The following LAMC3 variants were observed in gnomAD, a reference collection of about 807,000 sequenced individuals.
The protein encoded by LAMC3 is laminin subunit gamma-3.
A neutral mutation model predicts 173.8 loss-of-function variants in LAMC3; 128 were observed. That is an observed-to-expected ratio of 0.74 (90% CI 0.64 to 0.85). LAMC3 has a LOEUF of 0.85. Among genes scored for constraint, LAMC3 ranks in the 40% least tolerant of loss-of-function variants. LAMC3 has a pLI of 0.00. For synonymous variants in LAMC3, 897 were observed against 909.1 expected (o/e 0.99, Z 0.24); for missense variants, 2,022 against 2,156.0 (o/e 0.94, Z 1.23).
intron 1 of LAMC3, among the ~76,000 whole-genome samples, chr9:131,024,448 T>G (rs1156843662): frequency 6.6e-6 from 1 of 152,060 alleles, no homozygotes; most frequent in Non-Finnish European, 1.5e-5. Flanking sequence ...ACCCAGCCTT[T>G]TAGCTCTTAC....
intron 1 of LAMC3, among the ~76,000 whole-genome samples, chr9:131,014,845 CG>C (rs922755779): frequency 6.6e-5 from 10 of 152,036 alleles, no homozygotes; most frequent in Non-Finnish European, 1.3e-4. Flanking sequence ...TAGCCGGGCG[CG>C]GGGGCAAGTG....
chr9:131,067,319 C>T, intron 14 of LAMC3, 114 bp downstream of exon 14: 2 of 1,315,642 alleles, frequency 1.5e-6, no homozygotes, highest in South Asian at 2.4e-5. Context: ...GCTGGCTCCT[C>T]TGCAAGGCTG....
intron 6 of LAMC3, among the ~76,000 whole-genome samples, chr9:131,040,921 C>A (rs563197558): frequency 3.1e-4 from 47 of 152,168 alleles, no homozygotes; most frequent in African/African-American, 1.1e-3. Flanking sequence ...TGGGATTCAC[C>A]AGGGAGGAAC....
chr9:131,059,175 G>A lies in LAMC3; in HGVS notation c.2159-1860G>A, dbSNP rs531092111. Among the ~76,000 whole-genome samples the A allele has an allele frequency of 1.9e-4, 29 of 150,652 alleles. 1 individual carries two copies. The highest frequency in any genetic ancestry group is 8.6e-4 in the Admixed American group (13 of 15,046). On this transcript the variant is annotated intron_variant, in intron 12 of 27. Transcript: ENST00000361069. ...CGCGCCGCTGCACTCTGGCCTGGGC[G>A]ACAGAGTAAGACTCCATCTCAAAAA... is the stretch of plus-strand genomic sequence containing the variant.
intron 20 of LAMC3, among the ~76,000 whole-genome samples, 186 bp downstream of exon 20, chr9:131,073,507 G>A (rs1830072808): frequency 6.6e-6 from 1 of 152,188 alleles, no homozygotes. Context: ...AGATGTTAGG[G>A]GCAAAGCTTG....
At chr9:131,030,344 T>C (rs1286423211) in intron 2 of LAMC3, among the ~76,000 whole-genome samples, 1 of 152,160 alleles carries the variant, frequency 6.6e-6, no homozygotes, top group African/African-American at 2.4e-5. Context: ...CCCCATTCCT[T>C]TGTGGTCATT....
At chr9:131,045,741 A>T in intron 8 of LAMC3, 81 bp downstream of exon 8, 1 of 1,531,334 alleles carries the variant, frequency 6.5e-7, no homozygotes, top group Middle Eastern at 1.7e-4. Context: ...GAGATCTTGC[A>T]TTAGTGGATC....
rs1290010551 is a variant in LAMC3, at chr9:131,009,283, C to T, written c.69C>T (p.Gly23=). Residue 23 remains glycine, a synonymous_variant, in exon 1 of 28, where the codon GGC becomes GGT. Transcript: ENST00000361069. The surrounding 1 kb of genome is among the most constrained non-coding windows in gnomAD (Gnocchi z 4.3). ...LAPRAAGAGM[G]ACYDGAGRPQ... is the part of the protein sequence containing the mutation. The stretch of plus-strand genomic sequence containing the variant: ...CGCGGGCGGCCGGCGCGGGCATGGG[C>T]GCGTGCTATGACGGCGCAGGGCGCC... The T allele has an allele frequency of 7.2e-6, 10 of 1,393,300 alleles. No homozygotes were observed. Among genetic ancestry groups the T allele is most frequent in the Middle Eastern group, 2.6e-4 (1 of 3,874 alleles). The allele number at this position is 1,393,300 out of a possible 1,614,324, so 86.3% of individuals were successfully genotyped here.
rs887297441 is a variant in LAMC3, at chr9:131,069,013, G to C, written c.2853G>C (p.Gln951His). Residue 951 changes from glutamine (Q) to histidine (H), a missense_variant, in exon 16 of 28, where the codon CAG becomes CAC. By Grantham distance (24) the Gln-to-His change is conservative. Coordinates refer to ENST00000361069, the MANE Select transcript of LAMC3 (RefSeq NM_006059.4). Reference protein sequence around the residue: ...GVTGQACDRCQLGFFGFSIKG... With the variant: ...GVTGQACDRCHLGFFGFSIKG... Reference sequence around the variant, plus strand: ...CAGGCCAGGCCTGTGACAGGTGCCAGCTGGGTTTCTTCGGCTTCTCCATCA... The same window carrying C: ...CAGGCCAGGCCTGTGACAGGTGCCACCTGGGTTTCTTCGGCTTCTCCATCA... 3 of 1,614,066 alleles carry C rather than the reference G, an allele frequency of 1.9e-6. No homozygotes were observed. The Admixed American group carries it at 5.0e-5, about 27-fold the overall frequency.
In LAMC3 at chr9:131,093,823, A is replaced by AT. The variant is rs894476835; in HGVS notation, c.*2044dup. ...TTCGTTCTTTTCTCTTTATTTATTG[A>AT]TTTTTTTTGAGATGGAGTCTCGCTC... On this transcript the variant is annotated 3_prime_UTR_variant, in exon 28 of 28. Coordinates refer to ENST00000361069, the MANE Select transcript of LAMC3 (RefSeq NM_006059.4). 1.4e-4 allele frequency: 21 copies of AT among 151,350 alleles called. No individual in the cohort carries two copies. Among genetic ancestry groups the AT allele is most frequent in the South Asian group, 4.2e-4 (2 of 4,754 alleles). 9.4% of individuals were successfully genotyped at this position (151,350 alleles called of 1,614,324 possible).
At chr9:131,051,376 T>TTC (rs1339323571) in intron 9 of LAMC3, among the ~76,000 whole-genome samples, 1 of 149,874 alleles carries the variant, frequency 6.7e-6, no homozygotes, top group Non-Finnish European at 1.5e-5. Flanking sequence ...TTTTTTTTTT[T>TTC]TTTTTTGAGA....
chr9:131,052,745 G>A lies in LAMC3; in HGVS notation c.1823+62G>A, dbSNP rs546044948. 388 of 1,491,364 alleles carry A rather than the reference G, an allele frequency of 2.6e-4. 2 individuals carry two copies. In the South Asian group the frequency reaches 3.6e-3, roughly 14 times the overall value. 92.4% of individuals were successfully genotyped at this position (1,491,364 alleles called of 1,614,324 possible). A position where few individuals can be genotyped will look rare whatever the true frequency, so the allele number is the denominator to read the frequency against. ...GAGAGGGGTGGTCTCTGAGGTCCGGGCACATTTCAGATGCCCCTGTAGTCT... is the reference window on the plus strand; with the variant it reads ...GAGAGGGGTGGTCTCTGAGGTCCGGACACATTTCAGATGCCCCTGTAGTCT... On this transcript the variant is annotated intron_variant, in intron 10 of 27. Transcript: ENST00000361069.
intron 2 of LAMC3, 137 bp from the exon 3 acceptor site, chr9:131,031,908 A>C (rs1002260219): frequency 5.5e-6 from 8 of 1,464,956 alleles, no homozygotes; most frequent in Non-Finnish European, 7.6e-6. Flanking sequence ...CAGTGTTCTC[A>C]GAATTGGCCT....
intron 6 of LAMC3, among the ~76,000 whole-genome samples, chr9:131,040,328 C>T (rs1834026494): frequency 6.6e-6 from 1 of 152,084 alleles, no homozygotes; most frequent in African/African-American, 2.4e-5. Context: ...CAAATGTGCA[C>T]CACCACACCC....
intron 7 of LAMC3, among the ~76,000 whole-genome samples, chr9:131,042,885 C>T (rs1834080904): frequency 6.6e-6 from 1 of 151,936 alleles, no homozygotes. Flanking sequence ...CCTCCCCTTT[C>T]ATACCCACAG....
chr9:131,087,869 C>T (rs758024073), intron 27 of LAMC3, 52 bp downstream of exon 27: 3 of 1,423,950 alleles, frequency 2.1e-6, no homozygotes, highest in African/African-American at 1.4e-5. Flanking sequence ...TGGGGCACCT[C>T]TAGGATCTTC....
At chr9:131,077,707 A>T (rs1479626912) in intron 22 of LAMC3, among the ~76,000 whole-genome samples, 1 of 147,148 alleles carries the variant, frequency 6.8e-6, no homozygotes, top group Non-Finnish European at 1.5e-5. Context: ...AAAAAAAAAA[A>T]AAAAAACTAT....
chr9:131,040,774 C>G (rs1275732498), intron 6 of LAMC3, among the ~76,000 whole-genome samples: 2 of 152,136 alleles, frequency 1.3e-5, no homozygotes, highest in Non-Finnish European at 2.9e-5. Context: ...TCTCGGGACA[C>G]CTTCCCTCCC....
At chr9:131,049,728 G>A (rs1051521177) in intron 9 of LAMC3, among the ~76,000 whole-genome samples, 1 of 152,166 alleles carries the variant, frequency 6.6e-6, no homozygotes, top group Non-Finnish European at 1.5e-5. Context: ...CACTGTCATG[G>A]CCCAGAGAAT....
Sources: allele counts gnomAD v4.1 joint callset (sites outside exome capture counted in the v4.1 genomes callset), GRCh38; gene constraint gnomAD v4.1.1; non-coding constraint Gnocchi (gnomAD v3.1); transcripts MANE v1.5; gene names NCBI Gene and HGNC (gene_info 2026-07-23, HGNC 2026-07-21).